ERICH6: variants seen among roughly 807,000 people sequenced by gnomAD.
ERICH6 encodes glutamate rich 6.
Under a neutral mutation model 71.0 loss-of-function variants are expected in ERICH6, and 71 were observed. The observed-to-expected ratio is 1.00, with a 90% CI of 0.83 to 1.22. The LOEUF is 1.22. Among genes scored for constraint, ERICH6 ranks in the 50% most tolerant of loss-of-function variants. The probability of loss-of-function intolerance (pLI) is 0.00; values close to 1 mark genes in which losing one functional copy is unlikely to be tolerated. For synonymous variants in ERICH6, 262 were observed against 278.4 expected (o/e 0.94, Z 0.59); for missense variants, 808 against 797.2 (o/e 1.01, Z -0.16).
rs539094118 is a variant in ERICH6 at position 150,670,020 on chromosome 3, C to A, written c.1344-569G>T. ...ACCAGCCTGGGCAATATGGTAAGAC[C>A]CTGTCTCTACAAAACAATTTTTTTC... is the stretch of plus-strand genomic sequence containing the variant. On this transcript the variant is annotated intron_variant, in intron 11 of 13. Transcript: ENST00000295910. Among the ~76,000 whole-genome samples, 27 of 152,040 alleles carry A rather than the reference C, an allele frequency of 1.8e-4. No homozygotes were observed. In the South Asian group the frequency reaches 5.4e-3, roughly 31 times the overall value.
chr3:150,667,095 C>A, intron 12 of ERICH6, 80 bp from the exon 13 acceptor site: 2 of 1,345,634 alleles, frequency 1.5e-6, no homozygotes, highest in Non-Finnish European at 2.1e-6. Context: ...ACTTGCTAAC[C>A]AAGGGGAGTA....
chr3:150,688,126 A>C (rs554275918), intron 3 of ERICH6, among the ~76,000 whole-genome samples: 5 of 152,298 alleles, frequency 3.3e-5, no homozygotes, highest in African/African-American at 1.2e-4. Flanking sequence ...TCAAAAAGTA[A>C]ATAAACAAAT....
chr3:150,668,038 G>C (rs1312328620), intron 12 of ERICH6, among the ~76,000 whole-genome samples: 1 of 152,182 alleles, frequency 6.6e-6, no homozygotes, highest in East Asian at 1.9e-4. Flanking sequence ...ACCCAGTATT[G>C]ATCAGTGGTA....
At chr3:150,684,710 C>G (rs1712105642) in intron 6 of ERICH6, among the ~76,000 whole-genome samples, 1 of 152,184 alleles carries the variant, frequency 6.6e-6, no homozygotes, top group South Asian at 2.1e-4. Context: ...CCTTCAAATA[C>G]AGGCATTAAT....
intron 2 of ERICH6, among the ~76,000 whole-genome samples, chr3:150,700,768 G>C (rs146407615): frequency 2.0e-5 from 3 of 152,038 alleles, no homozygotes; most frequent in African/African-American, 7.2e-5. Flanking sequence ...ATTTTTAGTA[G>C]AGACAGGGCT....
At position 150,702,850 on chromosome 3, in the gene ERICH6, A is replaced by G. The variant is rs370806044; in HGVS notation, c.403+646T>C. On this transcript the variant is annotated intron_variant, in intron 1 of 13. Transcript: ENST00000295910. ...TTTTTTTTTGCAGGACTGTTTCAGT[A>G]GTACAGCACCCTTAAGGCACTTCTC... Among the ~76,000 whole-genome samples, 19 of 143,950 alleles carry G rather than the reference A, an allele frequency of 1.3e-4. No homozygotes were observed. The East Asian group carries it at 3.4e-3, about 26-fold the overall frequency. The allele number at this position is 143,950 out of a possible 152,430, so 94.4% of individuals were successfully genotyped here. A position where few individuals can be genotyped will look rare whatever the true frequency, so the allele number is the denominator to read the frequency against.
At chr3:150,690,205 A>G (rs1409247633) in intron 3 of ERICH6, among the ~76,000 whole-genome samples, 6 of 152,186 alleles carry the variant, frequency 3.9e-5, no homozygotes, top group Admixed American at 3.9e-4. Flanking sequence ...AGATTTTTAT[A>G]ATTTTATGTT....
In ERICH6 at chr3:150,666,961, T is replaced by G; in HGVS notation, c.1554A>C (p.Ile518=). The change falls in exon 13 of 14, where the codon ATA becomes ATC. Residue 518 remains isoleucine (I), a synonymous_variant. Transcript: ENST00000295910. ...GQYSDQAGNR[I]RAWNWSNSIT... The stretch of plus-strand genomic sequence containing the variant: ...TGGAATTTGACCAATTCCAAGCCCT[T>G]ATTCTGTTGCCGGCTTGATCTGAAT... The G allele has an allele frequency of 6.2e-7, 1 of 1,614,132 alleles. No individual in the cohort carries two copies. Among genetic ancestry groups the G allele is most frequent in the Non-Finnish European group, 8.5e-7 (1 of 1,180,018 alleles).
chr3:150,677,522 A>C (rs1226740592), intron 10 of ERICH6, among the ~76,000 whole-genome samples: 1 of 151,380 alleles, frequency 6.6e-6, no homozygotes, highest in African/African-American at 2.4e-5. Flanking sequence ...TTTGAGACAG[A>C]GTTTTGCTCT....
At position 150,666,968 on chromosome 3, in the gene ERICH6, T is replaced by C. The variant is rs1355584346; in HGVS notation, c.1547A>G (p.Asn516Ser). 4 of 1,614,078 alleles carry C rather than the reference T, an allele frequency of 2.5e-6. No homozygotes were observed. In the African/African-American group the frequency reaches 4.0e-5, roughly 16 times the overall value. Reference protein sequence around the residue: ...LGGQYSDQAGNRIRAWNWSNS... With the variant: ...LGGQYSDQAGSRIRAWNWSNS... ...TGACCAATTCCAAGCCCTTATTCTG[T>C]TGCCGGCTTGATCTGAATATTGACC... is the stretch of plus-strand genomic sequence containing the variant. Residue 516 changes from asparagine to serine, a missense_variant, in exon 13 of 14, where the codon AAC becomes AGC. Physicochemically the swap from Asn to Ser is conservative, Grantham distance 46 (BLOSUM62 1). This residue lies in a region of ERICH6 where 736 missense variants were observed against 712.2 expected (regional missense o/e 1.03). Coordinates refer to ENST00000295910, the MANE Select transcript of ERICH6 (RefSeq NM_152394.5).
chr3:150,666,098 G>A (rs1432045920), intron 13 of ERICH6, among the ~76,000 whole-genome samples: 1 of 152,222 alleles, frequency 6.6e-6, no homozygotes, highest in African/African-American at 2.4e-5. Flanking sequence ...ACTCAGTCAA[G>A]TGGCAGAGCT....
intron 11 of ERICH6, among the ~76,000 whole-genome samples, chr3:150,673,201 T>C (rs1452432163): frequency 1.3e-5 from 2 of 151,202 alleles, no homozygotes; most frequent in South Asian, 2.1e-4. Flanking sequence ...CCTCTCTCTT[T>C]CTTTCTTTCT....
intron 3 of ERICH6, among the ~76,000 whole-genome samples, chr3:150,694,003 T>A (rs1411791560): frequency 6.6e-6 from 1 of 152,194 alleles, no homozygotes; most frequent in Non-Finnish European, 1.5e-5. Flanking sequence ...CCTATTTACA[T>A]ACATAAGCCA....
At position 150,702,513 on chromosome 3, in the gene ERICH6, T is replaced by A. The variant is rs184512238; in HGVS notation, c.404-335A>T. 2.3e-3 allele frequency among the ~76,000 whole-genome samples: 349 copies of A among 152,254 alleles called. 2 individuals carry two copies. The highest frequency in any genetic ancestry group is 7.9e-3 in the African/African-American group (330 of 41,558). On this transcript the variant is annotated intron_variant, in intron 1 of 13. Coordinates refer to ENST00000295910, the MANE Select transcript of ERICH6 (RefSeq NM_152394.5). ...GAATGGTCTCGATCTCCCGACCTCG[T>A]GATCTGCCCGCCTAGGCCTCCCAAA...
intron 3 of ERICH6, among the ~76,000 whole-genome samples, chr3:150,697,319 G>T (rs1310032928): frequency 6.6e-6 from 1 of 152,162 alleles, no homozygotes; most frequent in Non-Finnish European, 1.5e-5. Flanking sequence ...TGTTTGATTT[G>T]TATCTTTTGA....
intron 3 of ERICH6, among the ~76,000 whole-genome samples, chr3:150,690,217 G>T (rs913114719): frequency 1.3e-5 from 2 of 152,052 alleles, no homozygotes; most frequent in African/African-American, 4.8e-5. Context: ...TTTTATGTTT[G>T]ATTTGGCATC....
intron 7 of ERICH6, among the ~76,000 whole-genome samples, chr3:150,682,004 A>G (rs1412536051): frequency 6.6e-6 from 1 of 151,812 alleles, no homozygotes; most frequent in Non-Finnish European, 1.5e-5. Context: ...TAGTAGACAC[A>G]GGGTTTCACC....
intron 13 of ERICH6, among the ~76,000 whole-genome samples, chr3:150,662,662 G>T (rs1173830426): frequency 1.3e-5 from 2 of 151,524 alleles, no homozygotes; most frequent in African/African-American, 4.9e-5. Flanking sequence ...CTACTGCATT[G>T]AAGTCAAAAT....
intron 10 of ERICH6, among the ~76,000 whole-genome samples, chr3:150,675,707 G>GTT (rs200846169): frequency 5.1e-4 from 74 of 144,916 alleles, no homozygotes; most frequent in South Asian, 1.7e-3. Context: ...ATTGGCCATT[G>GTT]TTTTTTTTTT....
Sources: gnomAD v4.1 joint callset for allele counts (sites outside exome capture counted in the v4.1 genomes callset) on GRCh38, gnomAD v4.1.1 for gene constraint, gnomAD v4.1.1 regional missense constraint, MANE v1.5 for transcripts, NCBI Gene and HGNC (gene_info 2026-07-23, HGNC 2026-07-21) for gene names.